PTH2R: variants seen among roughly 807,000 people sequenced by gnomAD.
The protein encoded by PTH2R is PTH2 receptor.
A neutral mutation model predicts 60.3 loss-of-function variants in PTH2R; 59 were observed. That is an observed-to-expected ratio of 0.98 (90% confidence interval 0.79 to 1.22). PTH2R has a LOEUF of 1.22. Among genes scored for constraint, PTH2R ranks in the 50% most tolerant of loss-of-function variants. PTH2R has a pLI of 0.00. For synonymous variants in PTH2R, 256 were observed against 243.8 expected, an observed-to-expected ratio of 1.05 and a Z score of -0.47; for missense variants, 749 against 682.6, an observed-to-expected ratio of 1.10 and a Z score of -1.08.
At chr2:208,427,902 C>G (rs1043168875) in intron 1 of PTH2R, among the ~76,000 whole-genome samples, 4 of 150,224 alleles carry the variant, frequency 2.7e-5, no homozygotes, top group African/African-American at 9.8e-5. Flanking sequence ...AATATTTTTT[C>G]TTAGTATAAT....
chr2:208,435,523 A>G (rs1444741475), intron 2 of PTH2R, among the ~76,000 whole-genome samples: 1 of 152,178 alleles, frequency 6.6e-6, no homozygotes, highest in Non-Finnish European at 1.5e-5. Context: ...AGGAGGAGAG[A>G]TTAAACATGT....
intron 1 of PTH2R, among the ~76,000 whole-genome samples, chr2:208,384,206 G>T (rs756651115): frequency 1.3e-5 from 2 of 152,202 alleles, no homozygotes; most frequent in African/African-American, 2.4e-5. Context: ...CAGGTTTCCG[G>T]GTGAAGGTGA....
chr2:208,381,426 AT>A (rs1379338278), intron 1 of PTH2R, among the ~76,000 whole-genome samples: 1 of 152,032 alleles, frequency 6.6e-6, no homozygotes, highest in Non-Finnish European at 1.5e-5. Flanking sequence ...CTTTACTTAA[AT>A]TTTTATTTCT....
At chr2:208,443,225 G>A in intron 5 of PTH2R, 123 bp from the exon 6 acceptor site, 2 of 731,930 alleles carry the variant, frequency 2.7e-6, no homozygotes, top group Non-Finnish European at 4.2e-6. Context: ...GAATTTGTGT[G>A]GAGTCTCGAA....
intron 10 of PTH2R, among the ~76,000 whole-genome samples, chr2:208,482,716 G>C (rs1461615654): frequency 2.0e-5 from 3 of 152,306 alleles, no homozygotes; most frequent in East Asian, 3.9e-4. Context: ...ATTCTCAGAA[G>C]GGAGTATGCC....
intron 6 of PTH2R, 56 bp downstream of exon 6, chr2:208,443,593 T>C: frequency 7.1e-7 from 1 of 1,401,468 alleles, no homozygotes; most frequent in Non-Finnish European, 9.7e-7. Context: ...TACAAATAAG[T>C]ACAATTTTAC....
intron 1 of PTH2R, among the ~76,000 whole-genome samples, chr2:208,418,253 A>G (rs1701681964): frequency 6.6e-6 from 1 of 152,154 alleles, no homozygotes; most frequent in Non-Finnish European, 1.5e-5. Flanking sequence ...TAAATAAATG[A>G]AGAAATATAC....
At chr2:208,462,219 CTTATT>C (rs1374741154) in intron 9 of PTH2R, among the ~76,000 whole-genome samples, 3 of 151,884 alleles carry the variant, frequency 2.0e-5, no homozygotes, top group African/African-American at 7.3e-5. Context: ...AAATAATTTA[CTTATT>C]TTAATCAATA....
chr2:208,488,499 T>C (rs1574917841), intron 10 of PTH2R, among the ~76,000 whole-genome samples: 5 of 152,294 alleles, frequency 3.3e-5, no homozygotes, highest in Admixed American at 3.3e-4. Context: ...TTTACAACTT[T>C]ATGTAAATAG....
intron 1 of PTH2R, among the ~76,000 whole-genome samples, chr2:208,376,823 C>T (rs1424487257): frequency 6.6e-6 from 1 of 151,818 alleles, no homozygotes; most frequent in East Asian, 1.9e-4. Flanking sequence ...TGCTCCCACT[C>T]CTATCCTCTT....
intron 8 of PTH2R, among the ~76,000 whole-genome samples, chr2:208,458,057 G>A (rs1325461614): frequency 1.3e-5 from 2 of 152,150 alleles, no homozygotes; most frequent in Non-Finnish European, 2.9e-5. Flanking sequence ...TTTGTTTCAA[G>A]TGTTATATTA....
intron 1 of PTH2R, among the ~76,000 whole-genome samples, chr2:208,392,606 C>G (rs1483010928): frequency 2.0e-5 from 3 of 152,036 alleles, no homozygotes; most frequent in Non-Finnish European, 4.4e-5. Context: ...ACTTTTAGGC[C>G]TGATTAGAAA....
intron 1 of PTH2R, among the ~76,000 whole-genome samples, chr2:208,393,899 G>T (rs1247251761): frequency 1.3e-5 from 2 of 152,200 alleles, no homozygotes; most frequent in East Asian, 3.9e-4. Flanking sequence ...GGAGCTGGTA[G>T]AGCTGGAGGA....
chr2:208,446,207 G>A (rs1702285008), intron 7 of PTH2R, among the ~76,000 whole-genome samples: 2 of 151,966 alleles, frequency 1.3e-5, no homozygotes, highest in East Asian at 1.9e-4. Context: ...GCTACCTGGT[G>A]CAAGCCTCCT....
At chr2:208,395,604 C>T (rs1701194450) in intron 1 of PTH2R, among the ~76,000 whole-genome samples, 1 of 152,162 alleles carries the variant, frequency 6.6e-6, no homozygotes, top group African/African-American at 2.4e-5. Flanking sequence ...GCACATTTCA[C>T]ACAGAGAAAG....
chr2:208,405,701 T>C (rs1701388896), upstream of PTH2R, among the ~76,000 whole-genome samples: 1 of 152,198 alleles, frequency 6.6e-6, no homozygotes, highest in African/African-American at 2.4e-5. Context: ...GTGGGCTGAA[T>C]GTTTATGTTC....
rs1289209199 is a variant in PTH2R at position 208,379,204 on chromosome 2, T to A, written c.-259+18967T>A. ...ATAATTTTATTTGGGCAGCAGCTGG[T>A]TTCTGGAAGTGTTCATGGGAAGAAA... is the stretch of plus-strand genomic sequence containing the variant. On this transcript the variant is annotated intron_variant, in intron 1 of 12. Transcript: ENST00000617735. Among the ~76,000 whole-genome samples, 5 of 152,300 alleles carry A rather than the reference T, an allele frequency of 3.3e-5. No individual in the cohort carries two copies. In the East Asian group the frequency reaches 9.6e-4, roughly 29 times the overall value.
rs78002005 is a variant in PTH2R at position 208,368,503 on chromosome 2, C to T, written c.-259+8266C>T. Among the ~76,000 whole-genome samples the T allele has an allele frequency of 8.5e-3, 1,290 of 152,268 alleles. 8 individuals are homozygous for T. The highest frequency in any genetic ancestry group is 0.013 in the Non-Finnish European group (912 of 68,032). On this transcript the variant is annotated intron_variant, in intron 1 of 12. Transcript: ENST00000617735. ...TCAAAGTGGATCTTGCCTCAACTAACCCTTAACTGTTTTTTTTTTGTTTTT... is the reference window on the plus strand; with the variant it reads ...TCAAAGTGGATCTTGCCTCAACTAATCCTTAACTGTTTTTTTTTTGTTTTT...
rs891194671 is a variant in PTH2R, at chr2:208,465,715, T to TA, written c.981+5761dup. Among the ~76,000 whole-genome samples the TA allele has an allele frequency of 1.5e-4, 23 of 151,966 alleles. No individual in the cohort carries two copies. The South Asian group carries it at 2.7e-3, about 18-fold the overall frequency. On this transcript the variant is annotated intron_variant, in intron 9 of 12. Coordinates refer to ENST00000272847, the MANE Select transcript of PTH2R (RefSeq NM_005048.4). ...ACCGCAGGGCCAACTCCTTTTTTTT[T>TA]AAAAAAATATTTTAATGCATTTTGG...
Sources: gnomAD v4.1 joint callset for allele counts (sites outside exome capture counted in the v4.1 genomes callset) on GRCh38, gnomAD v4.1.1 for gene constraint, MANE v1.5 for transcripts, NCBI Gene and HGNC (gene_info 2026-07-23, HGNC 2026-07-21) for gene names.